BAIAP2: variants seen among roughly 807,000 people sequenced by gnomAD.
The protein encoded by BAIAP2 is BAR/IMD domain-containing adapter protein 2.
In BAIAP2, 18 loss-of-function variants were observed where a neutral mutation model predicts 63.0. The observed-to-expected ratio is 0.29, with a 90% CI of 0.20 to 0.42. The LOEUF (loss-of-function observed/expected upper bound fraction) is 0.42, where lower values mean the gene tolerates loss of function less well. Ranked by LOEUF, BAIAP2 falls within the 10% of genes least tolerant of loss-of-function variation. BAIAP2 has a pLI of 1.00. For synonymous variants in BAIAP2, 386 were observed against 307.6 expected (o/e 1.25, Z -2.67); for missense variants, 610 against 734.3 (o/e 0.83, Z 1.96).
In BAIAP2 at chr17:81,116,121, T is replaced by C. The variant is rs2060517360; in HGVS notation, c.*282T>C. ...CCTCTGGTCACATGGCCATGGAGCCTTGGGTACCCCTGAGTTAAGGGAGGA... is the reference window on the plus strand; with the variant it reads ...CCTCTGGTCACATGGCCATGGAGCCCTGGGTACCCCTGAGTTAAGGGAGGA... On this transcript the variant is annotated 3_prime_UTR_variant, in exon 14 of 14. Transcript: ENST00000428708. The C allele has an allele frequency of 1.3e-6, 2 of 1,571,694 alleles. No individual in the cohort carries two copies. The highest frequency in any genetic ancestry group is 2.7e-5 in the African/African-American group (2 of 74,268).
intron 7 of BAIAP2, among the ~76,000 whole-genome samples, chr17:81,100,971 C>T (rs775808016): frequency 1.7e-4 from 26 of 152,182 alleles, no homozygotes; most frequent in East Asian, 9.6e-4. Flanking sequence ...CTCTGAGAGA[C>T]CCCTCTGCCC....
chr17:81,053,114 C>G (rs146611642), intron 1 of BAIAP2, among the ~76,000 whole-genome samples: 1 of 152,222 alleles, frequency 6.6e-6, no homozygotes, highest in Non-Finnish European at 1.5e-5. Context: ...ATCTTGGCAC[C>G]GAGATGCCCG....
chr17:81,073,488 C>CT (rs1160756723), intron 3 of BAIAP2, among the ~76,000 whole-genome samples: 1 of 152,196 alleles, frequency 6.6e-6, no homozygotes, highest in African/African-American at 2.4e-5. Context: ...AGAGTGTTAA[C>CT]TGAAATCATC....
chr17:81,092,737 C>T (rs1271154492), intron 6 of BAIAP2, among the ~76,000 whole-genome samples: 1 of 152,182 alleles, frequency 6.6e-6, no homozygotes, highest in Admixed American at 6.5e-5. Flanking sequence ...TCCCCAGGAC[C>T]GTGGTCGTTG....
At chr17:81,103,765 G>A in intron 8 of BAIAP2, 42 bp downstream of exon 8, 2 of 1,430,334 alleles carry the variant, frequency 1.4e-6, no homozygotes, top group Non-Finnish European at 1.9e-6. Context: ...GTGTGGGTGG[G>A]AGGGCAGCTT....
At chr17:81,071,731 G>A (rs2052701242) in intron 3 of BAIAP2, among the ~76,000 whole-genome samples, 1 of 152,244 alleles carries the variant, frequency 6.6e-6, no homozygotes. Context: ...CAGCGCGGGG[G>A]TCGGATGCCT....
chr17:81,053,395 G>C (rs935503294), intron 1 of BAIAP2: 1 of 482,710 alleles, frequency 2.1e-6, no homozygotes, highest in Non-Finnish European at 3.7e-6. Context: ...ATGCAAATGC[G>C]CTCCTTCAGC....
intron 3 of BAIAP2, among the ~76,000 whole-genome samples, chr17:81,079,499 C>T (rs2054235424): frequency 6.6e-6 from 1 of 152,072 alleles, no homozygotes; most frequent in South Asian, 2.1e-4. Flanking sequence ...CATGTGTGCC[C>T]CCTTTCTAGC....
At chr17:81,035,758 G>A (rs957012924) in intron 1 of BAIAP2, among the ~76,000 whole-genome samples, 2 of 152,244 alleles carry the variant, frequency 1.3e-5, no homozygotes, top group Middle Eastern at 3.4e-3. Context: ...GGACGGCATG[G>A]GGGCTGTCTG....
At chr17:81,062,076 G>A (rs1326897184) in intron 3 of BAIAP2, among the ~76,000 whole-genome samples, 1 of 152,044 alleles carries the variant, frequency 6.6e-6, no homozygotes, top group Non-Finnish European at 1.5e-5. Context: ...CCAAGTAGCT[G>A]GCATTATAGG....
chr17:81,070,147 CAA>C (rs991034531), intron 3 of BAIAP2, among the ~76,000 whole-genome samples: 6 of 152,170 alleles, frequency 3.9e-5, no homozygotes, highest in African/African-American at 1.2e-4. Context: ...TTTGTAGAGA[CAA>C]GAGCTTGCTT....
intron 3 of BAIAP2, chr17:81,063,818 T>G (rs1241814412): frequency 6.6e-6 from 1 of 151,970 alleles, no homozygotes; most frequent in Non-Finnish European, 1.5e-5. Flanking sequence ...CACCTTCTCC[T>G]CCAGCTGTCC....
intron 8 of BAIAP2, 65 bp downstream of exon 8, chr17:81,103,788 G>C: frequency 6.3e-7 from 1 of 1,578,548 alleles, no homozygotes; most frequent in Non-Finnish European, 8.6e-7. Context: ...TGTCAGGGCG[G>C]GGGGCCGCCA....
chr17:81,038,907 G>C (rs567929689), intron 1 of BAIAP2, among the ~76,000 whole-genome samples: 3 of 147,772 alleles, frequency 2.0e-5, no homozygotes, highest in Non-Finnish European at 4.5e-5. Context: ...GGGTGGGGGG[G>C]GCAGCAGACC....
intron 3 of BAIAP2, among the ~76,000 whole-genome samples, chr17:81,072,493 C>T (rs898105614): frequency 6.6e-6 from 1 of 152,204 alleles, no homozygotes; most frequent in Non-Finnish European, 1.5e-5. Context: ...AGACGATCTG[C>T]TCCAGGCCCC....
At chr17:81,069,309 A>AC (rs988247364) in intron 3 of BAIAP2, among the ~76,000 whole-genome samples, 15 of 152,158 alleles carry the variant, frequency 9.9e-5, no homozygotes, top group African/African-American at 3.6e-4. Context: ...ACGTGCACAC[A>AC]CCCAGCCAGA....
chr17:81,109,388 A>AAAAG lies in BAIAP2; in HGVS notation c.1535+882_1535+883insGAAA, dbSNP rs1209043144. On this transcript the variant is annotated intron_variant, in intron 13 of 13. Transcript: ENST00000428708. Reference sequence around the variant, plus strand: ...GAAAAATCTTAAAAAAAAAAAAAAAAAAAAAAAGAAAAAAAGAAAAACAGG... The same window carrying AAAAG: ...GAAAAATCTTAAAAAAAAAAAAAAAAAAAGAAAAAAAGAAAAAAAGAAAAACAGG... 1.9e-5 allele frequency: 17 copies of AAAAG among 902,476 alleles called. No homozygotes were observed. In the African/African-American group the frequency reaches 2.8e-4, roughly 15 times the overall value. 55.9% of individuals were successfully genotyped at this position (902,476 alleles called of 1,614,324 possible). A position where few individuals can be genotyped will look rare whatever the true frequency, so the allele number is the denominator to read the frequency against.
chr17:81,086,860 T>A (rs2055747569), intron 6 of BAIAP2: 2 of 394,492 alleles, frequency 5.1e-6, no homozygotes, highest in African/African-American at 2.0e-5. Flanking sequence ...AGTCCTCCCC[T>A]CTGTTCTCCC....
chr17:81,106,866 A>G lies in BAIAP2; in HGVS notation c.1459A>G (p.Lys487Glu), dbSNP rs919299852. ...AFPAQTASGF[K>E]QRPYSVAVPA... Reference sequence around the variant, plus strand: ...CCCCGCCCAGACGGCCAGCGGCTTCAAGCAGAGGCCCTACAGTGTGGCCGT... The same window carrying G: ...CCCCGCCCAGACGGCCAGCGGCTTCGAGCAGAGGCCCTACAGTGTGGCCGT... The change falls in exon 12 of 14, where the codon AAG becomes GAG. Residue 487 changes from lysine to glutamate, a missense_variant. Around this residue, in one of 5 missense-constraint regions of BAIAP2, gnomAD observed 114 missense variants for 98.2 expected, o/e 1.16. Coordinates refer to ENST00000428708, the MANE Select transcript of BAIAP2 (RefSeq NM_001144888.2). The G allele has an allele frequency of 1.9e-6, 3 of 1,604,536 alleles. No homozygotes were observed. The highest frequency in any genetic ancestry group is 1.7e-6 in the Non-Finnish European group (2 of 1,175,850).
Sources: gnomAD v4.1 joint callset for allele counts (sites outside exome capture counted in the v4.1 genomes callset) on GRCh38, gnomAD v4.1.1 for gene constraint, gnomAD v4.1.1 regional missense constraint, MANE v1.5 for transcripts, NCBI Gene and HGNC (gene_info 2026-07-23, HGNC 2026-07-21) for gene names.